The following DPP6 variants were observed in gnomAD, a reference collection of about 807,000 sequenced individuals.
DPP6 encodes the protein dipeptidyl peptidase like 6, also known as A-type potassium channel modulatory protein DPP6.
A neutral mutation model predicts 122.6 loss-of-function variants in DPP6; 69 were observed. That is an observed-to-expected ratio of 0.56 (90% CI 0.46 to 0.69). DPP6 has a LOEUF of 0.69. DPP6 is among the 30% of genes least tolerant of loss of function. The pLI, the probability that DPP6 is intolerant of heterozygous loss-of-function variation, is 0.00. For synonymous variants in DPP6, 418 were observed against 433.1 expected, an observed-to-expected ratio of 0.97 and a Z score of 0.43; for missense variants, 928 against 1,116.9, an observed-to-expected ratio of 0.83 and a Z score of 2.41.
chr7:154,112,618 T>C (rs11979552), intron 1 of DPP6, among the ~76,000 whole-genome samples: 1,766 of 151,860 alleles, frequency 0.012, 40 homozygotes, highest in African/African-American at 0.04. Flanking sequence ...GCACTCCTGC[T>C]TGGGCAACAG....
At chr7:154,328,693 T>C (rs1179539645) in intron 1 of DPP6, among the ~76,000 whole-genome samples, 1 of 152,032 alleles carries the variant, frequency 6.6e-6, no homozygotes, top group Non-Finnish European at 1.5e-5. Context: ...CCCACAGAAA[T>C]GGAGGGTTTA....
At chr7:154,190,931 G>T (rs1798587596) in intron 1 of DPP6, among the ~76,000 whole-genome samples, 2 of 152,044 alleles carry the variant, frequency 1.3e-5, no homozygotes, top group Admixed American at 1.3e-4. Context: ...TGTTTTCAAA[G>T]AAAATATTTA....
the DPP6 span, among the ~76,000 whole-genome samples, chr7:153,788,520 C>T: frequency 2.0e-5 from 3 of 152,178 alleles, no homozygotes; most frequent in East Asian, 1.9e-4. Flanking sequence ...ATTATACAAT[C>T]GATGGCATCT....
chr7:154,080,807 G>A (rs1000503970), intron 1 of DPP6, among the ~76,000 whole-genome samples: 1 of 152,154 alleles, frequency 6.6e-6, no homozygotes, highest in Non-Finnish European at 1.5e-5. Flanking sequence ...CTAACTGGCT[G>A]GTAGGTCGAA....
At chr7:153,837,072 A>G in the DPP6 span, among the ~76,000 whole-genome samples, 2 of 152,178 alleles carry the variant, frequency 1.3e-5, no homozygotes, top group African/African-American at 4.8e-5. Context: ...AAAATATTTG[A>G]CACTGAGATC....
intron 1 of DPP6, among the ~76,000 whole-genome samples, chr7:154,316,337 T>A (rs993303253): frequency 2.0e-5 from 3 of 152,024 alleles, no homozygotes; most frequent in Non-Finnish European, 4.4e-5. Flanking sequence ...TTCATCTCCA[T>A]AAGATAAGTG....
intron 8 of DPP6, among the ~76,000 whole-genome samples, chr7:154,758,111 G>T (rs1373223574): frequency 1.3e-5 from 2 of 152,192 alleles, no homozygotes; most frequent in African/African-American, 2.4e-5. Flanking sequence ...ACATGTTCTT[G>T]CCTGTGCCCT....
chr7:153,917,623 G>A (rs1460797520), intron 1 of DPP6, among the ~76,000 whole-genome samples: 1 of 152,090 alleles, frequency 6.6e-6, no homozygotes, highest in Non-Finnish European at 1.5e-5. Context: ...TGAAGGCTCT[G>A]GAAAGACAGA....
chr7:153,764,956 G>A, the DPP6 span, among the ~76,000 whole-genome samples: 4 of 152,296 alleles, frequency 2.6e-5, no homozygotes, highest in African/African-American at 9.6e-5. Flanking sequence ...ACCCGTTTCA[G>A]GCTCTGTGAC....
chr7:154,505,256 G>A (rs539616902), intron 3 of DPP6, among the ~76,000 whole-genome samples: 324 of 152,232 alleles, frequency 2.1e-3, no homozygotes, highest in Non-Finnish European at 3.9e-3. Context: ...TTATGTTTTA[G>A]AATAGATTTA....
At chr7:154,011,145 C>A (rs1358836654) in intron 1 of DPP6, among the ~76,000 whole-genome samples, 1 of 152,186 alleles carries the variant, frequency 6.6e-6, no homozygotes, top group Non-Finnish European at 1.5e-5. Flanking sequence ...TCTCCACTCT[C>A]CCAAGGAAGA....
In DPP6 at chr7:154,755,473, AC is replaced by A. The variant is rs1484709336; in HGVS notation, c.884-13943del. Among the ~76,000 whole-genome samples the A allele has an allele frequency of 8.2e-6, 1 of 122,340 alleles. No individual in the cohort carries two copies. The highest frequency in any genetic ancestry group is 3.8e-5 in the African/African-American group (1 of 26,052). 80.3% of individuals were successfully genotyped at this position (122,340 alleles called of 152,430 possible). On this transcript the variant is annotated intron_variant, in intron 8 of 25. Transcript: ENST00000377770. The surrounding 1 kb of genome is among the most constrained non-coding windows in gnomAD (Gnocchi z 4.7). ...GTGTGAGCTTCGGCACATTATTTAA[AC>A]TTTTTTTCCCTTAGTTCCCTTAAGG...
chr7:154,797,917 T>C (rs1449513453), intron 12 of DPP6, among the ~76,000 whole-genome samples: 2 of 152,212 alleles, frequency 1.3e-5, no homozygotes, highest in Non-Finnish European at 2.9e-5. Flanking sequence ...ACGAGGGTGA[T>C]CCTCAGACAT....
the DPP6 span, among the ~76,000 whole-genome samples, chr7:153,798,498 C>T: frequency 6.6e-6 from 1 of 152,110 alleles, no homozygotes; most frequent in Non-Finnish European, 1.5e-5. Flanking sequence ...GAGATGGGGC[C>T]CCTTCCACTG....
intron 5 of DPP6, among the ~76,000 whole-genome samples, chr7:154,632,753 G>GA (rs142723497): frequency 0.07 from 10,653 of 152,090 alleles, 1,203 homozygotes; most frequent in African/African-American, 0.24. Context: ...AGTGGCCAAA[G>GA]AAAAAACTCA....
At chr7:154,463,948 T>G (rs577167069) in intron 2 of DPP6, among the ~76,000 whole-genome samples, 74 of 152,336 alleles carry the variant, frequency 4.9e-4, no homozygotes, top group Middle Eastern at 6.8e-3. Context: ...AAGCACTCCC[T>G]TGGCCACCCC....
At chr7:153,819,612 C>T in the DPP6 span, among the ~76,000 whole-genome samples, 3 of 152,060 alleles carry the variant, frequency 2.0e-5, no homozygotes, top group Non-Finnish European at 2.9e-5. Flanking sequence ...GGGGAAAATG[C>T]ATCTTAAAAG....
chr7:154,786,364 A>G (rs1294501501), intron 10 of DPP6, among the ~76,000 whole-genome samples: 1 of 152,128 alleles, frequency 6.6e-6, no homozygotes, highest in Non-Finnish European at 1.5e-5. Context: ...TGGTTTGGCT[A>G]TGTCCCCACC....
At chr7:154,383,129 C>T (rs547981191) in intron 1 of DPP6, among the ~76,000 whole-genome samples, 13 of 152,314 alleles carry the variant, frequency 8.5e-5, no homozygotes, top group African/African-American at 2.9e-4. Flanking sequence ...CAAGGTGGAA[C>T]ATAATTCACA....
Sources: allele counts gnomAD v4.1 joint callset (sites outside exome capture counted in the v4.1 genomes callset), GRCh38; gene constraint gnomAD v4.1.1; non-coding constraint Gnocchi (gnomAD v3.1); transcripts MANE v1.5; gene names NCBI Gene and HGNC (gene_info 2026-07-23, HGNC 2026-07-21).